The following DNM3 variants were observed in gnomAD, a reference collection of about 807,000 sequenced individuals.
The protein encoded by DNM3 is dynamin 3, also known as dynamin-3.
Under a neutral mutation model 101.6 loss-of-function variants are expected in DNM3, and 47 were observed. The observed-to-expected ratio is 0.46, with a 90% confidence interval of 0.37 to 0.59. The LOEUF (loss-of-function observed/expected upper bound fraction) is 0.59, where lower values mean the gene tolerates loss of function less well. DNM3 is among the 20% of genes least tolerant of loss of function. DNM3 has a pLI of 0.00. For synonymous variants in DNM3, 385 were observed against 387.9 expected (o/e 0.99, Z 0.09); for missense variants, 849 against 1,085.7 (o/e 0.78, Z 3.06).
At chr1:172,183,797 T>G (rs1442365431) in intron 14 of DNM3, among the ~76,000 whole-genome samples, 1 of 111,716 alleles carries the variant, frequency 9.0e-6, no homozygotes, top group African/African-American at 3.5e-5. Context: ...TTTTTTTTTT[T>G]GTAGAAACAG....
chr1:171,921,228 G>T lies in DNM3; in HGVS notation c.162-520G>T, dbSNP rs182814128. Among the ~76,000 whole-genome samples the T allele has an allele frequency of 4.1e-3, 628 of 151,908 alleles. 5 individuals are homozygous for T. The highest frequency in any genetic ancestry group is 5.8e-3 in the Non-Finnish European group (392 of 67,970). On this transcript the variant is annotated intron_variant, in intron 1 of 20. Coordinates refer to ENST00000627582, the MANE Select transcript of DNM3 (RefSeq NM_015569.5). Reference sequence around the variant, plus strand: ...CTCCCATAGTGCTGGGATTACAGGTGTGGAACACTGTGCCCGGCCTTGTTT... The same window carrying T: ...CTCCCATAGTGCTGGGATTACAGGTTTGGAACACTGTGCCCGGCCTTGTTT...
chr1:171,935,340 G>T (rs2041323773), intron 2 of DNM3, among the ~76,000 whole-genome samples: 1 of 152,138 alleles, frequency 6.6e-6, no homozygotes. Flanking sequence ...TTAGTACTTA[G>T]TACAGGAAAG....
At chr1:172,362,945 A>G (rs891048672) in intron 17 of DNM3, among the ~76,000 whole-genome samples, 1 of 151,840 alleles carries the variant, frequency 6.6e-6, no homozygotes, top group African/African-American at 2.4e-5. Context: ...GCCTGGGATG[A>G]TGCATGATCT....
intron 9 of DNM3, among the ~76,000 whole-genome samples, chr1:172,046,493 C>T (rs1410663746): frequency 6.6e-6 from 1 of 151,450 alleles, no homozygotes; most frequent in South Asian, 2.1e-4. Flanking sequence ...CAGCATGGCA[C>T]ATGTATACAT....
At chr1:172,257,868 A>G (rs1573170957) in intron 15 of DNM3, among the ~76,000 whole-genome samples, 2 of 141,812 alleles carry the variant, frequency 1.4e-5, no homozygotes, top group Non-Finnish European at 1.5e-5. Context: ...TCTCTCCCCA[A>G]CCCCCACCAA....
chr1:172,172,256 A>G (rs1221641367), intron 14 of DNM3, among the ~76,000 whole-genome samples: 1 of 151,636 alleles, frequency 6.6e-6, no homozygotes, highest in Non-Finnish European at 1.5e-5. Context: ...ACATCTGCAA[A>G]TACAGTAGTC....
intron 1 of DNM3, among the ~76,000 whole-genome samples, chr1:171,904,661 G>GT (rs531493936): frequency 1.1e-4 from 16 of 151,912 alleles, no homozygotes; most frequent in Admixed American, 2.0e-4. Context: ...AAGATGGCCT[G>GT]TTTTTTTTGC....
At chr1:172,403,740 C>CAGTG (rs1315503365) in intron 20 of DNM3, among the ~76,000 whole-genome samples, 2 of 152,166 alleles carry the variant, frequency 1.3e-5, no homozygotes, top group Non-Finnish European at 2.9e-5. Flanking sequence ...ACATACAACA[C>CAGTG]AGTGTTTCAA....
At chr1:172,036,939 A>C (rs1395309459) in intron 6 of DNM3, among the ~76,000 whole-genome samples, 1 of 151,606 alleles carries the variant, frequency 6.6e-6, no homozygotes, top group Non-Finnish European at 1.5e-5. Context: ...GAACTCAAAC[A>C]AATTTACAAG....
At chr1:172,179,629 G>A (rs948899079) in intron 14 of DNM3, among the ~76,000 whole-genome samples, 2 of 151,082 alleles carry the variant, frequency 1.3e-5, no homozygotes, top group Non-Finnish European at 2.9e-5. Context: ...ATATTTTAAT[G>A]ATGCTATGCC....
At chr1:171,968,369 T>G (rs1390204101) in intron 2 of DNM3, among the ~76,000 whole-genome samples, 3 of 152,172 alleles carry the variant, frequency 2.0e-5, no homozygotes, top group African/African-American at 7.2e-5. Context: ...CAACTCCTCA[T>G]TTTACAAAAT....
chr1:172,154,496 G>A (rs1224623870), intron 14 of DNM3, among the ~76,000 whole-genome samples: 4 of 151,998 alleles, frequency 2.6e-5, no homozygotes, highest in Non-Finnish European at 5.9e-5. Flanking sequence ...GGAGAAATGT[G>A]GAAACCACAT....
At chr1:172,221,909 T>G (rs969625233) in intron 14 of DNM3, among the ~76,000 whole-genome samples, 2 of 152,096 alleles carry the variant, frequency 1.3e-5, no homozygotes, top group Non-Finnish European at 2.9e-5. Context: ...GACAAAGACT[T>G]TGTAGGGTTT....
chr1:172,253,536 TCTC>T, intron 14 of DNM3, 34 bp from the exon 15 acceptor site: 1 of 1,253,988 alleles, frequency 8.0e-7, no homozygotes, highest in Non-Finnish European at 1.1e-6. Context: ...TCTCCTCTCC[TCTC>T]CTCTCCCTCT....
intron 1 of DNM3, among the ~76,000 whole-genome samples, chr1:171,857,236 A>G (rs1227987684): frequency 3.3e-5 from 5 of 152,228 alleles, no homozygotes; most frequent in Non-Finnish European, 7.3e-5. Flanking sequence ...GAGGATACAT[A>G]GATGGAGGGA....
intron 2 of DNM3, among the ~76,000 whole-genome samples, chr1:171,960,857 G>C (rs1359708962): frequency 1.3e-5 from 2 of 152,122 alleles, no homozygotes; most frequent in East Asian, 1.9e-4. Context: ...GTAGGTAAGA[G>C]AGCAGGAAGT....
chr1:172,318,586 A>G (rs2065518675), intron 16 of DNM3, among the ~76,000 whole-genome samples: 2 of 152,194 alleles, frequency 1.3e-5, no homozygotes, highest in African/African-American at 4.8e-5. Flanking sequence ...ATTCTTATAC[A>G]CCAATAACAG....
At chr1:171,863,326 G>A (rs1308550132) in intron 1 of DNM3, among the ~76,000 whole-genome samples, 1 of 152,008 alleles carries the variant, frequency 6.6e-6, no homozygotes, top group Admixed American at 6.6e-5. Flanking sequence ...GACAAGAAGG[G>A]TGTATAGATT....
intron 17 of DNM3, among the ~76,000 whole-genome samples, chr1:172,351,207 C>T (rs2067188971): frequency 6.6e-6 from 1 of 152,060 alleles, no homozygotes; most frequent in Non-Finnish European, 1.5e-5. Flanking sequence ...GATATTACAC[C>T]TTTTGCTTCA....
Sources: gnomAD v4.1 joint callset for allele counts (sites outside exome capture counted in the v4.1 genomes callset) on GRCh38, gnomAD v4.1.1 for gene constraint, MANE v1.5 for transcripts, NCBI Gene and HGNC (gene_info 2026-07-23, HGNC 2026-07-21) for gene names.